The following PAIP2 variants were observed in gnomAD, a reference collection of about 807,000 sequenced individuals.
PAIP2 encodes poly(A) binding protein interacting protein 2, also known as polyadenylate-binding protein-interacting protein 2.
Under a neutral mutation model 14.8 loss-of-function variants are expected in PAIP2, and 7 were observed. The observed-to-expected ratio is 0.47, with a 90% CI of 0.27 to 0.89. The LOEUF (loss-of-function observed/expected upper bound fraction) is 0.89, where lower values mean the gene tolerates loss of function less well. Among genes scored for constraint, PAIP2 ranks in the 40% least tolerant of loss-of-function variants. The pLI, the probability that PAIP2 is intolerant of heterozygous loss-of-function variation, is 0.13. For missense variants in PAIP2, 122 were observed against 154.7 expected (o/e 0.79, Z 1.12); for synonymous variants, 47 against 45.3 (o/e 1.04, Z -0.15).
chr5:139,341,898 C>T lies in PAIP2; in HGVS notation c.-109C>T, dbSNP rs1053624801. 1.3e-5 allele frequency: 2 copies of T among 152,844 alleles called. No homozygotes were observed. The highest frequency in any genetic ancestry group is 6.5e-5 in the Admixed American group (1 of 15,270). The allele number at this position is 152,844 out of a possible 1,614,324, so 9.5% of individuals were successfully genotyped here. A position where few individuals can be genotyped will look rare whatever the true frequency, so the allele number is the denominator to read the frequency against. On this transcript the variant is annotated 5_prime_UTR_variant, in exon 1 of 4. Transcript: ENST00000265192. The stretch of plus-strand genomic sequence containing the variant: ...GGGAGGCGGCGGGCGAAGCGCACGT[C>T]GAGCGGGGGAGCGGCGCTGCCTGTG...
At chr5:139,342,660 C>G (rs1225172762) in intron 1 of PAIP2, 2 of 152,144 alleles carry the variant, frequency 1.3e-5, no homozygotes, top group African/African-American at 4.8e-5. Context: ...GTTAGATGAA[C>G]TTTAAGGTCC....
intron 1 of PAIP2, among the ~76,000 whole-genome samples, chr5:139,345,772 C>T (rs1561956185): frequency 1.3e-5 from 2 of 151,832 alleles, no homozygotes; most frequent in South Asian, 2.1e-4. Context: ...GGACTACAGA[C>T]GCTTGCCACC....
At chr5:139,360,409 A>G (rs907399467) in intron 1 of PAIP2, among the ~76,000 whole-genome samples, 1 of 152,188 alleles carries the variant, frequency 6.6e-6, no homozygotes, top group Non-Finnish European at 1.5e-5. Flanking sequence ...TCAATTTCCT[A>G]ACAAATCATA....
intron 1 of PAIP2, among the ~76,000 whole-genome samples, chr5:139,350,097 C>T (rs1392435339): frequency 6.6e-6 from 1 of 151,570 alleles, no homozygotes; most frequent in Non-Finnish European, 1.5e-5. Context: ...ATTGCTTGAA[C>T]CCTGGAGGCA....
chr5:139,360,218 G>T (rs879564530), intron 1 of PAIP2, among the ~76,000 whole-genome samples: 12 of 151,942 alleles, frequency 7.9e-5, no homozygotes, highest in Non-Finnish European at 1.5e-4. Context: ...GCCCGCCTTG[G>T]CCTCCCAAAG....
chr5:139,361,698 A>G (rs1561963146), intron 1 of PAIP2, among the ~76,000 whole-genome samples: 1 of 152,124 alleles, frequency 6.6e-6, no homozygotes, highest in African/African-American at 2.4e-5. Context: ...TAATCCCAGC[A>G]CTTTGGGAGG....
At chr5:139,342,065 G>T (rs1269916481) in intron 1 of PAIP2, 85 bp downstream of exon 1, 1 of 152,624 alleles carries the variant, frequency 6.6e-6, no homozygotes, top group Non-Finnish European at 1.5e-5. Flanking sequence ...GGCCTAAAGG[G>T]TTCCCTGGGT....
At chr5:139,363,078 T>A (rs868529313) in intron 1 of PAIP2, among the ~76,000 whole-genome samples, 18 of 151,904 alleles carry the variant, frequency 1.2e-4, no homozygotes, top group Middle Eastern at 3.2e-3. Context: ...CCATCTCTAC[T>A]AAAAATACAA....
In PAIP2 at chr5:139,368,830, A is replaced by C. The variant is rs1757469651; in HGVS notation, c.*32A>C. On this transcript the variant is annotated 3_prime_UTR_variant, in exon 4 of 4. Coordinates refer to ENST00000265192, the MANE Select transcript of PAIP2 (RefSeq NM_016480.5). ...GGGGCCCTCTTTTGGTGGATGTAGCACAATTTCCACACTGTGAAGGCAGTA... is the reference window on the plus strand; with the variant it reads ...GGGGCCCTCTTTTGGTGGATGTAGCCCAATTTCCACACTGTGAAGGCAGTA... 2 of 1,428,448 alleles carry C rather than the reference A, an allele frequency of 1.4e-6. No homozygotes were observed. Among genetic ancestry groups the C allele is most frequent in the Non-Finnish European group, 2.0e-6 (2 of 1,011,410 alleles). The allele number at this position is 1,428,448 out of a possible 1,614,324, so 88.5% of individuals were successfully genotyped here.
chr5:139,344,749 A>G (rs1756486022), intron 1 of PAIP2, among the ~76,000 whole-genome samples: 1 of 152,118 alleles, frequency 6.6e-6, no homozygotes, highest in Non-Finnish European at 1.5e-5. Context: ...CCCTTGTTAC[A>G]CTACAGTTGA....
chr5:139,363,478 T>G (rs1373091392), intron 1 of PAIP2, among the ~76,000 whole-genome samples: 2 of 152,090 alleles, frequency 1.3e-5, no homozygotes, highest in Non-Finnish European at 2.9e-5. Flanking sequence ...CCCAGCACTT[T>G]GAGAGGCTTG....
chr5:139,348,505 C>G (rs974788421), intron 1 of PAIP2, among the ~76,000 whole-genome samples: 1 of 151,872 alleles, frequency 6.6e-6, no homozygotes, highest in African/African-American at 2.4e-5. Context: ...CAGGTGCCTG[C>G]CACCATACTT....
At chr5:139,368,060 G>C (rs1308835779) in intron 3 of PAIP2, among the ~76,000 whole-genome samples, 1 of 152,198 alleles carries the variant, frequency 6.6e-6, no homozygotes, top group Non-Finnish European at 1.5e-5. Flanking sequence ...ATTAGGCCGG[G>C]CGCGGTGGCT....
At chr5:139,350,420 C>G (rs1756692094) in intron 1 of PAIP2, among the ~76,000 whole-genome samples, 1 of 151,980 alleles carries the variant, frequency 6.6e-6, no homozygotes, top group African/African-American at 2.4e-5. Context: ...ATCATGAGGT[C>G]AGGAGTTGGA....
intron 1 of PAIP2, among the ~76,000 whole-genome samples, chr5:139,349,389 C>T (rs1423690699): frequency 1.3e-5 from 2 of 152,144 alleles, no homozygotes; most frequent in Non-Finnish European, 2.9e-5. Context: ...GCTAGAACTA[C>T]AAGCTCACAC....
chr5:139,364,694 A>G lies in PAIP2; in HGVS notation c.269A>G (p.Gln90Arg). The change falls in exon 3 of 4, where the codon CAG becomes CGG. Residue 90 changes from glutamine to arginine, a missense_variant. Gln to Arg is a conservative substitution (Grantham distance 43). This residue lies in a region of PAIP2 where 46 missense variants were observed against 44.0 expected (regional missense o/e 1.05). Coordinates refer to ENST00000265192, the MANE Select transcript of PAIP2 (RefSeq NM_016480.5). ...CAAACTATGGACCAAATCCAAGACC[A>G]GTTTAATGACCTTGTTATCAGTGAT... ...LPQTMDQIQD[Q>R]FNDLVISDGS... 1 of 1,613,178 alleles carries G rather than the reference A, an allele frequency of 6.2e-7. No homozygotes were observed. Among genetic ancestry groups the G allele is most frequent in the East Asian group, 2.2e-5 (1 of 44,864 alleles).
intron 1 of PAIP2, among the ~76,000 whole-genome samples, 155 bp downstream of exon 1, chr5:139,342,135 A>C (rs1756396175): frequency 6.6e-6 from 1 of 151,516 alleles, no homozygotes; most frequent in South Asian, 2.1e-4. Flanking sequence ...ACCAAGTCTG[A>C]GGGATGAGCT....
intron 1 of PAIP2, among the ~76,000 whole-genome samples, chr5:139,363,248 A>G (rs1464268897): frequency 6.6e-6 from 1 of 152,146 alleles, no homozygotes; most frequent in Non-Finnish European, 1.5e-5. Flanking sequence ...CTCAAAAAAA[A>G]AAAGAAAACA....
rs1185620394 is a variant in PAIP2 at position 139,352,488 on chromosome 5, G to GTT, written c.-27+10517_-27+10518dup. ...TGGCTTTCTCAGTTAATTCCTGCCA[G>GTT]TTTTTTTTTTGTTGTTTTTTTTTTT... On this transcript the variant is annotated intron_variant, in intron 1 of 3. Coordinates refer to ENST00000265192, the MANE Select transcript of PAIP2 (RefSeq NM_016480.5). Among the ~76,000 whole-genome samples the GTT allele has an allele frequency of 4.5e-3, 428 of 94,726 alleles. 11 individuals are homozygous for GTT. Among genetic ancestry groups the GTT allele is most frequent in the African/African-American group, 0.012 (392 of 31,508 alleles). 62.1% of individuals were successfully genotyped at this position (94,726 alleles called of 152,430 possible). A position where few individuals can be genotyped will look rare whatever the true frequency, so the allele number is the denominator to read the frequency against.
Sources: allele counts gnomAD v4.1 joint callset (sites outside exome capture counted in the v4.1 genomes callset), GRCh38; gene constraint gnomAD v4.1.1; regional missense constraint gnomAD v4.1.1; transcripts MANE v1.5; gene names NCBI Gene and HGNC (gene_info 2026-07-23, HGNC 2026-07-21).